Variants in ZNF704 observed in about 807,000 individuals in gnomAD.
ZNF704 encodes the protein glucocorticoid induced gene 1.
A neutral mutation model predicts 44.7 loss-of-function variants in ZNF704; 10 were observed. The ratio of observed to expected loss-of-function variants is 0.22; its 90% CI spans 0.14 to 0.38. The LOEUF (loss-of-function observed/expected upper bound fraction) is 0.38, where lower values mean the gene tolerates loss of function less well. ZNF704 is among the 10% of genes least tolerant of loss of function. ZNF704 has a pLI of 1.00. For synonymous variants in ZNF704, 211 were observed against 207.6 expected (o/e 1.02, Z -0.14); for missense variants, 390 against 545.5 (o/e 0.71, Z 2.84).
intron 2 of ZNF704, among the ~76,000 whole-genome samples, chr8:80,725,358 T>C (rs575543507): frequency 1.3e-5 from 2 of 152,296 alleles, no homozygotes; most frequent in South Asian, 2.1e-4. Flanking sequence ...TATTGGAACA[T>C]AAACAATGAC....
At chr8:80,837,330 T>A (rs1808600027) in intron 1 of ZNF704, among the ~76,000 whole-genome samples, 2 of 152,226 alleles carry the variant, frequency 1.3e-5, no homozygotes, top group African/African-American at 4.8e-5. Flanking sequence ...ACAAGCCTTA[T>A]TTTATAATAA....
At chr8:80,769,842 T>C (rs771835077) in intron 2 of ZNF704, among the ~76,000 whole-genome samples, 1 of 152,168 alleles carries the variant, frequency 6.6e-6, no homozygotes, top group Non-Finnish European at 1.5e-5. Flanking sequence ...TGCCCCACTC[T>C]ACTGGTACCA....
intron 2 of ZNF704, among the ~76,000 whole-genome samples, chr8:80,706,169 C>G (rs765488983): frequency 4.6e-5 from 7 of 152,172 alleles, no homozygotes; most frequent in Non-Finnish European, 1.0e-4. Flanking sequence ...TCCAGGCTTA[C>G]TGATGGGGTT....
At chr8:80,726,846 C>T (rs1322665974) in intron 2 of ZNF704, among the ~76,000 whole-genome samples, 1 of 152,010 alleles carries the variant, frequency 6.6e-6, no homozygotes, top group East Asian at 1.9e-4. Context: ...CACACACACA[C>T]ACACACACAC....
At chr8:80,818,324 C>CATATAT (rs924986245) in intron 2 of ZNF704, among the ~76,000 whole-genome samples, 1 of 151,844 alleles carries the variant, frequency 6.6e-6, no homozygotes, top group African/African-American at 2.4e-5. Context: ...GCCAAAATAT[C>CATATAT]ATATATATAT....
At chr8:80,653,069 A>G (rs1391197999) in intron 7 of ZNF704, among the ~76,000 whole-genome samples, 1 of 152,208 alleles carries the variant, frequency 6.6e-6, no homozygotes, top group Non-Finnish European at 1.5e-5. Flanking sequence ...GACAAAAACC[A>G]CATGATTATC....
At chr8:80,790,953 C>G (rs139127622) in intron 2 of ZNF704, among the ~76,000 whole-genome samples, 42 of 152,172 alleles carry the variant, frequency 2.8e-4, no homozygotes, top group African/African-American at 9.9e-4. Context: ...AGGGCCATGT[C>G]TCAGGGGGCA....
At chr8:80,844,291 G>T (rs1462881246) in intron 1 of ZNF704, among the ~76,000 whole-genome samples, 2 of 152,158 alleles carry the variant, frequency 1.3e-5, no homozygotes, top group Admixed American at 1.3e-4. Context: ...GGAAGTACAA[G>T]ATCAAGGCAC....
chr8:80,643,601 G>C (rs1363390347), intron 7 of ZNF704, among the ~76,000 whole-genome samples: 1 of 151,186 alleles, frequency 6.6e-6, no homozygotes, highest in Non-Finnish European at 1.5e-5. Context: ...AAATGGAGGA[G>C]GGCTGCTCAT....
chr8:80,775,221 T>C (rs1315644755), intron 2 of ZNF704, among the ~76,000 whole-genome samples: 1 of 152,206 alleles, frequency 6.6e-6, no homozygotes, highest in African/African-American at 2.4e-5. Flanking sequence ...ATCTTGGTTA[T>C]AAAAACACAA....
At chr8:80,876,773 A>C (rs1206143454), upstream of ZNF704, among the ~76,000 whole-genome samples, 1 of 152,192 alleles carries the variant, frequency 6.6e-6, no homozygotes, top group Non-Finnish European at 1.5e-5. Flanking sequence ...ATCATACTAA[A>C]CATTGTAATG....
At chr8:80,745,373 A>T (rs1806827167) in intron 2 of ZNF704, among the ~76,000 whole-genome samples, 1 of 152,178 alleles carries the variant, frequency 6.6e-6, no homozygotes, top group Non-Finnish European at 1.5e-5. Context: ...TCCCAAGCAC[A>T]GGGAGAAATT....
intron 2 of ZNF704, among the ~76,000 whole-genome samples, chr8:80,803,464 T>C (rs533580852): frequency 2.0e-5 from 3 of 152,174 alleles, no homozygotes; most frequent in Non-Finnish European, 2.9e-5. Flanking sequence ...CAAAACAGCA[T>C]GGTACTGGTA....
At chr8:80,848,890 T>C (rs572890848) in intron 1 of ZNF704, among the ~76,000 whole-genome samples, 39 of 152,322 alleles carry the variant, frequency 2.6e-4, no homozygotes, top group African/African-American at 8.9e-4. Context: ...AAGAACTTGC[T>C]TGAGATTATA....
chr8:80,869,183 A>G (rs551824055), intron 1 of ZNF704, among the ~76,000 whole-genome samples: 1 of 152,364 alleles, frequency 6.6e-6, no homozygotes, highest in African/African-American at 2.4e-5. Context: ...TAAGCACTCA[A>G]TAAATTTAGC....
At chr8:80,767,150 C>T (rs1012636531) in intron 2 of ZNF704, among the ~76,000 whole-genome samples, 11 of 151,970 alleles carry the variant, frequency 7.2e-5, no homozygotes, top group East Asian at 1.9e-4. Flanking sequence ...TATAACATTA[C>T]GTTGAGGTCC....
chr8:80,660,260 C>T (rs1818078206), intron 6 of ZNF704, among the ~76,000 whole-genome samples: 2 of 151,970 alleles, frequency 1.3e-5, no homozygotes, highest in Non-Finnish European at 2.9e-5. Flanking sequence ...TCGCTTGAGC[C>T]CAGAGTTTGA....
Position 80,852,935 on chromosome 8 carries a change from ATT to A in ZNF704, c.-22+21634_-22+21635del, listed in dbSNP as rs1197661841. Among the ~76,000 whole-genome samples the A allele has an allele frequency of 5.3e-5, 8 of 152,276 alleles. No homozygotes were observed. In the South Asian group the frequency reaches 1.5e-3, roughly 28 times the overall value. ...TAAATTAAGCAAGTATATGAGCTGTATTTTTACATCTATTTTGGCCACTCAAG... is the reference window on the plus strand; with the variant it reads ...TAAATTAAGCAAGTATATGAGCTGTATTTACATCTATTTTGGCCACTCAAG... On this transcript the variant is annotated intron_variant, in intron 1 of 8. Coordinates refer to ENST00000327835, the MANE Select transcript of ZNF704 (RefSeq NM_001033723.3).
chr8:80,665,333 A>G (rs73691964), intron 5 of ZNF704, among the ~76,000 whole-genome samples: 1,818 of 152,276 alleles, frequency 0.012, 28 homozygotes, highest in African/African-American at 0.041. Context: ...TGAGAATCTA[A>G]TATGTTCAGG....
Sources: allele counts gnomAD v4.1 joint callset (sites outside exome capture counted in the v4.1 genomes callset), GRCh38; gene constraint gnomAD v4.1.1; transcripts MANE v1.5; gene names NCBI Gene and HGNC (gene_info 2026-07-23, HGNC 2026-07-21).